The following NGEF variants were observed in gnomAD, a reference collection of about 807,000 sequenced individuals.
NGEF encodes the protein ephexin-1.
A neutral mutation model predicts 80.9 loss-of-function variants in NGEF; 31 were observed. The observed-to-expected ratio is 0.38, with a 90% CI of 0.29 to 0.52. The LOEUF is 0.52. Among genes scored for constraint, NGEF ranks in the 20% least tolerant of loss-of-function variants. NGEF has a pLI of 0.84. For synonymous variants in NGEF, 371 were observed against 370.2 expected (o/e 1.00, Z -0.03); for missense variants, 709 against 926.2 (o/e 0.77, Z 3.04).
At chr2:232,928,106 C>A (rs1484841571) in intron 3 of NGEF, 5 of 1,044,034 alleles carry the variant, frequency 4.8e-6, no homozygotes, top group Non-Finnish European at 5.7e-6. Flanking sequence ...GCAGCGCGCG[C>A]GGCTCGACCG....
intron 14 of NGEF, 130 bp downstream of exon 14, chr2:232,881,016 C>G: frequency 1.4e-6 from 1 of 711,884 alleles, no homozygotes. Flanking sequence ...AGCAGAATGT[C>G]TCAGGGAGCA....
intron 5 of NGEF, among the ~76,000 whole-genome samples, chr2:232,902,768 A>G (rs1692391793): frequency 6.6e-6 from 1 of 152,210 alleles, no homozygotes; most frequent in Non-Finnish European, 1.5e-5. Context: ...TGGGAGGCCC[A>G]GGCGGGTGGA....
At chr2:232,925,312 G>T (rs1693036790) in intron 4 of NGEF, among the ~76,000 whole-genome samples, 1 of 152,358 alleles carries the variant, frequency 6.6e-6, no homozygotes. Context: ...CAGACCTCAA[G>T]TCTATGACAG....
intron 3 of NGEF, among the ~76,000 whole-genome samples, chr2:232,956,089 A>G (rs1452853246): frequency 6.6e-6 from 1 of 152,170 alleles, no homozygotes; most frequent in Non-Finnish European, 1.5e-5. Context: ...TGCTGGTTTC[A>G]GACGCCGCTC....
intron 1 of NGEF, among the ~76,000 whole-genome samples, chr2:232,978,787 G>A (rs187818271): frequency 3.9e-5 from 6 of 152,292 alleles, no homozygotes; most frequent in African/African-American, 1.4e-4. Flanking sequence ...TGGTGCAGTA[G>A]AGGCTCATCC....
At chr2:232,965,124 T>C (rs868637945) in intron 3 of NGEF, among the ~76,000 whole-genome samples, 11 of 152,216 alleles carry the variant, frequency 7.2e-5, no homozygotes, top group Admixed American at 2.0e-4. Context: ...ATGAAATATT[T>C]GGGGCTTTTC....
chr2:232,922,043 C>T (rs1431834633), intron 4 of NGEF, among the ~76,000 whole-genome samples: 1 of 152,186 alleles, frequency 6.6e-6, no homozygotes, highest in African/African-American at 2.4e-5. Context: ...GTGGAGGCCT[C>T]ATGAGCAGCA....
intron 1 of NGEF, among the ~76,000 whole-genome samples, chr2:232,987,096 A>G (rs1694547811): frequency 6.6e-6 from 1 of 152,022 alleles, no homozygotes; most frequent in South Asian, 2.1e-4. Context: ...GGCTCACTGC[A>G]ATGTCTGCCT....
At chr2:232,966,329 A>G (rs950245693) in intron 3 of NGEF, among the ~76,000 whole-genome samples, 7 of 152,124 alleles carry the variant, frequency 4.6e-5, no homozygotes, top group African/African-American at 1.2e-4. Flanking sequence ...TTTTCAAATC[A>G]GTTCACAGCT....
intron 5 of NGEF, among the ~76,000 whole-genome samples, chr2:232,902,307 T>G (rs1692379514): frequency 6.6e-6 from 1 of 152,034 alleles, no homozygotes; most frequent in South Asian, 2.1e-4. Context: ...CTGCAGACAA[T>G]GATGATGAAG....
At chr2:232,896,717 T>C (rs1574997761) in intron 5 of NGEF, among the ~76,000 whole-genome samples, 1 of 27,110 alleles carries the variant, frequency 3.7e-5, no homozygotes, top group African/African-American at 1.8e-4. Flanking sequence ...GGGGTAGGGG[T>C]GAGTGCAAAA....
intron 5 of NGEF, among the ~76,000 whole-genome samples, chr2:232,915,499 C>T (rs1018817430): frequency 2.0e-5 from 3 of 152,148 alleles, no homozygotes; most frequent in African/African-American, 7.2e-5. Context: ...ATGTCGTGTT[C>T]AGCAGCCACG....
chr2:232,951,020 G>A (rs529154679), intron 3 of NGEF, among the ~76,000 whole-genome samples: 4 of 152,146 alleles, frequency 2.6e-5, no homozygotes, highest in Non-Finnish European at 4.4e-5. Flanking sequence ...AGCGGCGTCC[G>A]GCATGCGGCT....
At chr2:232,962,748 T>C (rs1693979444) in intron 3 of NGEF, among the ~76,000 whole-genome samples, 1 of 151,958 alleles carries the variant, frequency 6.6e-6, no homozygotes, top group African/African-American at 2.4e-5. Context: ...CATTAAAAAC[T>C]ACAAATCATT....
At chr2:232,979,125 C>T (rs1003021693) in intron 1 of NGEF, among the ~76,000 whole-genome samples, 4 of 152,150 alleles carry the variant, frequency 2.6e-5, no homozygotes, top group African/African-American at 9.7e-5. Flanking sequence ...CTTGTAATCA[C>T]AGGCTTAACA....
intron 3 of NGEF, among the ~76,000 whole-genome samples, chr2:232,946,059 T>C (rs1265817533): frequency 8.7e-6 from 1 of 114,944 alleles, no homozygotes. Flanking sequence ...GCAATATATA[T>C]CTGATATATA....
intron 14 of NGEF, among the ~76,000 whole-genome samples, chr2:232,880,486 T>C (rs919572996): frequency 1.3e-5 from 2 of 152,152 alleles, no homozygotes; most frequent in Admixed American, 1.3e-4. Flanking sequence ...AGGCCTCCCC[T>C]GGAGGTCACA....
intron 7 of NGEF, among the ~76,000 whole-genome samples, chr2:232,891,818 C>T (rs972368096): frequency 2.1e-4 from 32 of 152,306 alleles, no homozygotes; most frequent in African/African-American, 6.3e-4. Flanking sequence ...GGTAAACCCA[C>T]GTAGTGACAG....
At chr2:232,908,592 T>C (rs1692628011) in intron 5 of NGEF, among the ~76,000 whole-genome samples, 1 of 152,066 alleles carries the variant, frequency 6.6e-6, no homozygotes, top group Non-Finnish European at 1.5e-5. Flanking sequence ...TTTGCGGAGA[T>C]AGGGTCTTGC....
Sources: allele counts gnomAD v4.1 joint callset (sites outside exome capture counted in the v4.1 genomes callset), GRCh38; gene constraint gnomAD v4.1.1; transcripts MANE v1.5; gene names NCBI Gene and HGNC (gene_info 2026-07-23, HGNC 2026-07-21).